Variants in VPS53 observed in about 807,000 individuals in gnomAD.
VPS53 encodes the protein vacuolar protein sorting-associated protein 53 homolog.
Under a neutral mutation model 107.0 loss-of-function variants are expected in VPS53, and 70 were observed. That is an observed-to-expected ratio of 0.65 (90% confidence interval 0.54 to 0.80). VPS53 has a LOEUF of 0.80. Ranked by LOEUF, VPS53 falls within the 30% of genes least tolerant of loss-of-function variation. The pLI is 0.00. For missense variants in VPS53, 917 were observed against 1,049.4 expected (o/e 0.87, Z 1.74); for synonymous variants, 409 against 393.3 (o/e 1.04, Z -0.47).
Position 707,490 on chromosome 17 carries a change from A to G in VPS53, c.168+3043T>C, listed in dbSNP as rs180877464. On this transcript the variant is annotated intron_variant, in intron 2 of 21. Coordinates refer to ENST00000437048, the MANE Select transcript of VPS53 (RefSeq NM_001128159.3). ...AGCCGAGATCATGCCATTGCACTCC[A>G]GCCTGGGGGACAAGAATGAGACTTT... is the stretch of plus-strand genomic sequence containing the variant. 2.2e-3 allele frequency among the ~76,000 whole-genome samples: 328 copies of G among 149,412 alleles called. 1 individual carries two copies. The highest frequency in any genetic ancestry group is 7.7e-3 in the African/African-American group (313 of 40,590).
At chr17:687,432 C>T (rs9903390) in intron 4 of VPS53, among the ~76,000 whole-genome samples, 7,647 of 151,988 alleles carry the variant, frequency 0.05, 635 homozygotes, top group African/African-American at 0.17. Flanking sequence ...GAAAATTAGC[C>T]GGGCGTGGTG....
At chr17:704,710 A>G (rs1224124624) in intron 2 of VPS53, among the ~76,000 whole-genome samples, 2 of 152,226 alleles carry the variant, frequency 1.3e-5, no homozygotes, top group Non-Finnish European at 2.9e-5. Flanking sequence ...GCATAATTAG[A>G]CAAGACACAG....
intron 17 of VPS53, among the ~76,000 whole-genome samples, chr17:546,149 T>C (rs1363595381): frequency 2.6e-5 from 4 of 152,218 alleles, no homozygotes; most frequent in African/African-American, 7.2e-5. Context: ...CTGAGTATCC[T>C]TTCAGCAAAA....
At chr17:657,254 A>T in intron 5 of VPS53, 1 of 990,100 alleles carries the variant, frequency 1.0e-6, no homozygotes, top group Non-Finnish European at 1.6e-6. Flanking sequence ...CAGCAAAGCA[A>T]CCTTTGGTGT....
At position 562,668 on chromosome 17, in the gene VPS53, C is replaced by T. The variant is rs765068071; in HGVS notation, c.1391G>A (p.Gly464Glu). ...QGPPKPNTDE[G>E]GAVLPSCADL... ...GGCGCAGCTGGGGAGCACGGCACCC[C>T]CTTCATCAGTGTTGGGCTTAGGTGG... The change falls in exon 14 of 22, where the codon GGG becomes GAG. Residue 464 changes from glycine to glutamate, a missense_variant. By Grantham distance (98) the Gly-to-Glu change is moderately conservative. Transcript: ENST00000437048. The T allele has an allele frequency of 1.1e-5, 18 of 1,613,894 alleles. No homozygotes were observed. In the Middle Eastern group the frequency reaches 5.0e-4, roughly 44 times the overall value.
At position 653,508 on chromosome 17, in the gene VPS53, T is replaced by C. The variant is rs994629004; in HGVS notation, c.489-98A>G. 5 of 1,557,506 alleles carry C rather than the reference T, an allele frequency of 3.2e-6. No individual in the cohort carries two copies. The African/African-American group carries it at 6.8e-5, about 21-fold the overall frequency. Reference sequence around the variant, plus strand: ...CGCTAGCTCTCAAACAGATATCAACTCAGCTGAATCAACGTTCGCTGAGCA... The same window carrying C: ...CGCTAGCTCTCAAACAGATATCAACCCAGCTGAATCAACGTTCGCTGAGCA... On this transcript the variant is annotated intron_variant, in intron 6 of 21. Transcript: ENST00000437048.
At chr17:551,408 A>T (rs1377796619) in intron 17 of VPS53, among the ~76,000 whole-genome samples, 2 of 152,064 alleles carry the variant, frequency 1.3e-5, no homozygotes, top group Admixed American at 1.3e-4. Flanking sequence ...GCTCTACAAA[A>T]AATTTAAAAA....
At chr17:539,975 T>C (rs1910487321) in intron 17 of VPS53, among the ~76,000 whole-genome samples, 1 of 151,996 alleles carries the variant, frequency 6.6e-6, no homozygotes, top group South Asian at 2.1e-4. Flanking sequence ...CAAGTCTATC[T>C]AAAGCCCAAA....
intron 12 of VPS53, among the ~76,000 whole-genome samples, chr17:601,321 C>T (rs1301986768): frequency 6.6e-6 from 1 of 152,192 alleles, no homozygotes; most frequent in African/African-American, 2.4e-5. Flanking sequence ...TTCAAATATG[C>T]CACTGGCCAC....
At position 619,230 on chromosome 17, in the gene VPS53, C is replaced by T. The variant is rs549532720; in HGVS notation, c.1116+4303G>A. On this transcript the variant is annotated intron_variant, in intron 11 of 21. Coordinates refer to ENST00000437048, the MANE Select transcript of VPS53 (RefSeq NM_001128159.3). ...TAGCTGGGACTACAGGTGCCCACGA[C>T]GCCTGCTAATATTTCCTGGGTAGCT... Among the ~76,000 whole-genome samples, 8 of 148,472 alleles carry T rather than the reference C, an allele frequency of 5.4e-5. No individual in the cohort carries two copies. In the South Asian group the frequency reaches 1.5e-3, roughly 28 times the overall value.
intron 17 of VPS53, among the ~76,000 whole-genome samples, chr17:539,442 A>AT (rs1217707639): frequency 1.3e-5 from 2 of 152,260 alleles, no homozygotes; most frequent in Non-Finnish European, 2.9e-5. Context: ...TAAAAGAAGT[A>AT]TTAGCAAAGG....
intron 13 of VPS53, among the ~76,000 whole-genome samples, chr17:582,613 A>G (rs1967091057): frequency 7.0e-6 from 1 of 142,006 alleles, no homozygotes; most frequent in Non-Finnish European, 1.5e-5. Flanking sequence ...ACCTCAACGC[A>G]GTCCCAGAGA....
At chr17:656,852 C>T (rs1161501868) in intron 5 of VPS53, 37 of 1,591,008 alleles carry the variant, frequency 2.3e-5, no homozygotes, top group Admixed American at 3.3e-5. Flanking sequence ...AATGGTGAGG[C>T]GGATACCCTT....
At chr17:694,471 T>C (rs1972879337) in intron 4 of VPS53, among the ~76,000 whole-genome samples, 1 of 152,158 alleles carries the variant, frequency 6.6e-6, no homozygotes, top group African/African-American at 2.4e-5. Context: ...TGCCGATGAA[T>C]CACTCACTAT....
chr17:651,183 T>C (rs1970932786), intron 7 of VPS53, among the ~76,000 whole-genome samples: 1 of 152,190 alleles, frequency 6.6e-6, no homozygotes, highest in Non-Finnish European at 1.5e-5. Flanking sequence ...ACTACAGATT[T>C]ACGTAAATAC....
intron 15 of VPS53, 87 bp from the exon 16 acceptor site, chr17:553,549 G>T: frequency 1.4e-5 from 13 of 917,840 alleles, no homozygotes; most frequent in Non-Finnish European, 2.0e-5. Flanking sequence ...TACTGCGTTT[G>T]ATGATTCAGG....
At chr17:672,246 G>A (rs1335335628) in intron 4 of VPS53, among the ~76,000 whole-genome samples, 2 of 146,804 alleles carry the variant, frequency 1.4e-5, no homozygotes, top group East Asian at 4.0e-4. Flanking sequence ...TCAGCTGTTT[G>A]ACAAGCCCAG....
chr17:566,203 CAAAAAAAAAAAAA>C (rs1003234136), intron 13 of VPS53, among the ~76,000 whole-genome samples: 1 of 57,312 alleles, frequency 1.7e-5, no homozygotes, highest in Non-Finnish European at 4.0e-5. Flanking sequence ...GACTCCGTCT[CAAAAAAAAAAAAA>C]AAAAAAGAAA....
intron 5 of VPS53, among the ~76,000 whole-genome samples, chr17:658,992 G>GCCTTCTCT: frequency 1.3e-5 from 2 of 150,788 alleles, no homozygotes; most frequent in East Asian, 3.9e-4. Flanking sequence ...TCCCCATCAA[G>GCCTTCTCT]CCTTCTCTCC....
Sources: gnomAD v4.1 joint callset for allele counts (sites outside exome capture counted in the v4.1 genomes callset) on GRCh38, gnomAD v4.1.1 for gene constraint, MANE v1.5 for transcripts, NCBI Gene and HGNC (gene_info 2026-07-23, HGNC 2026-07-21) for gene names.